The following LRRTM4 variants were observed in gnomAD, a reference collection of about 807,000 sequenced individuals.
LRRTM4 encodes leucine-rich repeat transmembrane neuronal protein 4.
Under a neutral mutation model 47.6 loss-of-function variants are expected in LRRTM4, and 25 were observed. The ratio of observed to expected loss-of-function variants is 0.53; its 90% CI spans 0.38 to 0.73. The LOEUF (loss-of-function observed/expected upper bound fraction) is 0.73, where lower values mean the gene tolerates loss of function less well. Among genes scored for constraint, LRRTM4 ranks in the 30% least tolerant of loss-of-function variants. The pLI is 0.00. For missense variants in LRRTM4, 638 were observed against 713.4 expected (o/e 0.89, Z 1.20); for synonymous variants, 311 against 269.5 (o/e 1.15, Z -1.51).
At position 77,394,711 on chromosome 2, in the gene LRRTM4, A is replaced by AT. The variant is rs553309815; in HGVS notation, c.1551+123606dup. Among the ~76,000 whole-genome samples the AT allele has an allele frequency of 5.9e-5, 9 of 152,132 alleles. No homozygotes were observed. In the South Asian group the frequency reaches 1.9e-3, roughly 31 times the overall value. On this transcript the variant is annotated intron_variant, in intron 3 of 3. Coordinates refer to ENST00000409884, the MANE Select transcript of LRRTM4 (RefSeq NM_001134745.3). Reference sequence around the variant, plus strand: ...TGAACATGCAGGTTACGTACAACTCATATTCACTTTGGGGTAGAGACTTAA... The same window carrying AT: ...TGAACATGCAGGTTACGTACAACTCATTATTCACTTTGGGGTAGAGACTTAA...
chr2:77,355,410 A>G (rs1243333192), intron 3 of LRRTM4, among the ~76,000 whole-genome samples: 1 of 152,134 alleles, frequency 6.6e-6, no homozygotes, highest in East Asian at 1.9e-4. Context: ...ACTTCTTACC[A>G]CTCAGAGTAA....
Position 77,362,174 on chromosome 2 carries a change from G to GAAAGA in LRRTM4, c.1551+156143_1551+156144insTCTTT, listed in dbSNP as rs1491583250. Reference sequence around the variant, plus strand: ...GAAAGAAAGAAAGAAAGAAAGAAAGGAAGGAAGGAAGAGTTCTTAATGTCC... The same window carrying GAAAGA: ...GAAAGAAAGAAAGAAAGAAAGAAAGGAAAGAAAGGAAGGAAGAGTTCTTAATGTCC... On this transcript the variant is annotated intron_variant, in intron 3 of 3. Transcript: ENST00000409884. Among the ~76,000 whole-genome samples, 444 of 78,856 alleles carry GAAAGA rather than the reference G, an allele frequency of 5.6e-3. 4 individuals carry two copies. The highest frequency in any genetic ancestry group is 0.01 in the South Asian group (21 of 2,092). 51.7% of individuals were successfully genotyped at this position (78,856 alleles called of 152,430 possible).
intron 3 of LRRTM4, among the ~76,000 whole-genome samples, chr2:77,226,814 A>C (rs918972624): frequency 6.6e-6 from 1 of 151,970 alleles, no homozygotes; most frequent in Admixed American, 6.6e-5. Context: ...GATGTTTTGC[A>C]GAGGCATAGG....
intron 3 of LRRTM4, among the ~76,000 whole-genome samples, chr2:77,063,914 C>T (rs1679872784): frequency 6.6e-6 from 1 of 151,628 alleles, no homozygotes; most frequent in South Asian, 2.1e-4. Context: ...GACTAATGGC[C>T]TAGATTTTTT....
At chr2:77,035,712 T>C (rs1037493188) in intron 3 of LRRTM4, among the ~76,000 whole-genome samples, 1 of 151,848 alleles carries the variant, frequency 6.6e-6, no homozygotes, top group Non-Finnish European at 1.5e-5. Context: ...CATGCATCAA[T>C]AGTCCCTTTT....
intron 3 of LRRTM4, among the ~76,000 whole-genome samples, chr2:77,164,670 C>T (rs540345986): frequency 2.2e-4 from 33 of 152,224 alleles, no homozygotes; most frequent in Non-Finnish European, 4.0e-4. Context: ...CACTCAAAAC[C>T]GCTCAACTGC....
At chr2:77,264,490 T>G (rs1395464521) in intron 3 of LRRTM4, among the ~76,000 whole-genome samples, 1 of 152,016 alleles carries the variant, frequency 6.6e-6, no homozygotes, top group African/African-American at 2.4e-5. Context: ...ATACTGGGGG[T>G]TAGGGCTTCA....
At chr2:77,453,071 T>C (rs965602592) in intron 3 of LRRTM4, among the ~76,000 whole-genome samples, 2 of 149,200 alleles carry the variant, frequency 1.3e-5, no homozygotes, top group African/African-American at 4.8e-5. Flanking sequence ...TTACTGATAT[T>C]ATTTAAATTC....
At chr2:76,975,959 A>G (rs756849327) in intron 3 of LRRTM4, among the ~76,000 whole-genome samples, 1 of 151,882 alleles carries the variant, frequency 6.6e-6, no homozygotes, top group Non-Finnish European at 1.5e-5. Context: ...TTTCTTGGCC[A>G]GTCATGCTCT....
chr2:77,234,941 A>G (rs2103977621), intron 3 of LRRTM4, among the ~76,000 whole-genome samples: 1 of 152,180 alleles, frequency 6.6e-6, no homozygotes, highest in East Asian at 1.9e-4. Flanking sequence ...ATCTGCTTGT[A>G]TCCAATGTTT....
intron 3 of LRRTM4, among the ~76,000 whole-genome samples, chr2:77,390,795 T>C (rs2103813803): frequency 6.6e-6 from 1 of 151,908 alleles, no homozygotes; most frequent in African/African-American, 2.4e-5. Context: ...GTTGGTACTT[T>C]TATTTTCACT....
intron 3 of LRRTM4, among the ~76,000 whole-genome samples, chr2:77,456,730 C>T (rs1444992000): frequency 1.3e-5 from 2 of 151,872 alleles, no homozygotes; most frequent in African/African-American, 4.8e-5. Context: ...CACTAATGAC[C>T]TCTTCTTGCC....
chr2:77,471,703 C>T (rs1274650557), intron 3 of LRRTM4, among the ~76,000 whole-genome samples: 1 of 152,136 alleles, frequency 6.6e-6, no homozygotes, highest in East Asian at 1.9e-4. Flanking sequence ...TTGGAGGTCT[C>T]TGTTCAAATG....
At chr2:76,810,581 A>C (rs2103817792) in intron 3 of LRRTM4, among the ~76,000 whole-genome samples, 3 of 152,262 alleles carry the variant, frequency 2.0e-5, no homozygotes, top group Admixed American at 2.0e-4. Context: ...TTAATGAATA[A>C]ACAAAAAATG....
chr2:77,028,600 G>A (rs1179504427), intron 3 of LRRTM4, among the ~76,000 whole-genome samples: 3 of 151,982 alleles, frequency 2.0e-5, no homozygotes, highest in African/African-American at 7.3e-5. Flanking sequence ...TATTGATTCT[G>A]AAAAGAAGGA....
At chr2:77,429,160 G>A (rs1573401784) in intron 3 of LRRTM4, among the ~76,000 whole-genome samples, 1 of 152,106 alleles carries the variant, frequency 6.6e-6, no homozygotes, top group Non-Finnish European at 1.5e-5. Flanking sequence ...GCTGTGTAGG[G>A]TAAGACGAAT....
intron 3 of LRRTM4, among the ~76,000 whole-genome samples, chr2:77,231,019 A>G (rs1674947906): frequency 6.6e-6 from 1 of 152,190 alleles, no homozygotes. Context: ...ATTTGCAGAT[A>G]AGTATTTTCC....
intron 3 of LRRTM4, among the ~76,000 whole-genome samples, chr2:77,417,286 T>C (rs1674673756): frequency 6.6e-6 from 1 of 152,138 alleles, no homozygotes; most frequent in African/African-American, 2.4e-5. Flanking sequence ...ACTTTTACAC[T>C]GTTGGTGGGA....
chr2:77,167,338 T>C (rs938537068), intron 3 of LRRTM4, among the ~76,000 whole-genome samples: 28 of 152,172 alleles, frequency 1.8e-4, no homozygotes, highest in African/African-American at 5.6e-4. Flanking sequence ...ATGGGAACAC[T>C]ATTACACTGT....
Sources: allele counts gnomAD v4.1 joint callset (sites outside exome capture counted in the v4.1 genomes callset), GRCh38; gene constraint gnomAD v4.1.1; transcripts MANE v1.5; gene names NCBI Gene and HGNC (gene_info 2026-07-23, HGNC 2026-07-21).